Variants in KCNN2 observed in about 807,000 individuals in gnomAD.
KCNN2 encodes the protein potassium calcium-activated channel subfamily N member 2, also known as small conductance calcium-activated potassium channel protein 2.
A neutral mutation model predicts 55.5 loss-of-function variants in KCNN2; 24 were observed. The ratio of observed to expected loss-of-function variants is 0.43; its 90% CI spans 0.31 to 0.61. KCNN2 has a LOEUF of 0.61. Among genes scored for constraint, KCNN2 ranks in the 20% least tolerant of loss-of-function variants. The pLI is 0.08. For synonymous variants in KCNN2, 431 were observed against 336.1 expected, an observed-to-expected ratio of 1.28 and a Z score of -3.09; for missense variants, 754 against 853.6, an observed-to-expected ratio of 0.88 and a Z score of 1.45.
chr5:114,494,731 AAGGCTC>A (rs1249573073), intron 7 of KCNN2, among the ~76,000 whole-genome samples: 2 of 152,076 alleles, frequency 1.3e-5, no homozygotes, highest in East Asian at 3.9e-4. Flanking sequence ...ACATACCATA[AAGGCTC>A]AGTATTTTCT....
chr5:114,062,499 A>G (rs573822157), intron 1 of KCNN2, among the ~76,000 whole-genome samples: 320 of 152,334 alleles, frequency 2.1e-3, no homozygotes, highest in Non-Finnish European at 3.8e-3. Flanking sequence ...GAGAAATAAG[A>G]GCCAAAGTTT....
At chr5:114,125,136 GT>G (rs1751904565) in intron 1 of KCNN2, among the ~76,000 whole-genome samples, 1 of 152,140 alleles carries the variant, frequency 6.6e-6, no homozygotes, top group Non-Finnish European at 1.5e-5. Flanking sequence ...GAGAAATCGT[GT>G]TATAATAGAA....
At chr5:114,255,952 C>CTATATAGTG (rs1754974712) in intron 2 of KCNN2, among the ~76,000 whole-genome samples, 2 of 152,044 alleles carry the variant, frequency 1.3e-5, no homozygotes, top group Non-Finnish European at 2.9e-5. Flanking sequence ...GAACTATCCC[C>CTATATAGTG]TATATAGTGT....
At chr5:114,131,801 G>C (rs1281036562) in intron 1 of KCNN2, among the ~76,000 whole-genome samples, 1 of 152,108 alleles carries the variant, frequency 6.6e-6, no homozygotes, top group Non-Finnish European at 1.5e-5. Flanking sequence ...GTTGTTTCTT[G>C]ATTTTTTAAT....
chr5:114,250,534 C>T (rs1754837725), intron 2 of KCNN2, among the ~76,000 whole-genome samples: 2 of 152,096 alleles, frequency 1.3e-5, no homozygotes, highest in Non-Finnish European at 2.9e-5. Flanking sequence ...GAGACATTTC[C>T]AGTAGTTGGA....
At chr5:114,455,461 T>G (rs921060741) in intron 3 of KCNN2, among the ~76,000 whole-genome samples, 12 of 152,192 alleles carry the variant, frequency 7.9e-5, no homozygotes, top group Non-Finnish European at 2.9e-5. Context: ...TTCCCCCATC[T>G]CTCTCACTTT....
intron 1 of KCNN2, among the ~76,000 whole-genome samples, chr5:114,166,712 A>G (rs1406393179): frequency 1.3e-5 from 2 of 152,110 alleles, no homozygotes; most frequent in African/African-American, 2.4e-5. Context: ...GATGTTTGCT[A>G]TGGGCTGAAT....
chr5:114,308,309 C>G (rs1195911136), intron 2 of KCNN2, among the ~76,000 whole-genome samples: 1 of 152,058 alleles, frequency 6.6e-6, no homozygotes, highest in African/African-American at 2.4e-5. Flanking sequence ...CCTTGGTCTC[C>G]CTTAAAGTCA....
At chr5:114,335,675 C>T (rs1756907984) in intron 2 of KCNN2, among the ~76,000 whole-genome samples, 1 of 152,092 alleles carries the variant, frequency 6.6e-6, no homozygotes, top group East Asian at 1.9e-4. Flanking sequence ...GTGGAGTTTT[C>T]ATCTGTTAGA....
In KCNN2 at chr5:114,272,309, C is replaced by CACACATATATGTATGTACATATAT. The variant is rs1561548925; in HGVS notation, c.-185+50749_-185+50750insTATATGTATGTACATATATACACA. ...CACATATATGTATGTACATATCACA[C>CACACATATATGTATGTACATATAT]ACACACATATATGTATGTACATATA... On this transcript the variant is annotated intron_variant, in intron 2 of 10. Coordinates refer to the KCNN2 transcript ENST00000512097. 4.0e-5 allele frequency among the ~76,000 whole-genome samples: 2 copies of CACACATATATGTATGTACATATAT among 49,530 alleles called. 1 individual carries two copies. Among genetic ancestry groups the CACACATATATGTATGTACATATAT allele is most frequent in the African/African-American group, 9.6e-5 (2 of 20,730 alleles). 32.5% of individuals were successfully genotyped at this position (49,530 alleles called of 152,430 possible). A position where few individuals can be genotyped will look rare whatever the true frequency, so the allele number is the denominator to read the frequency against.
chr5:114,057,084 CTT>C (rs1750225725), intron 1 of KCNN2: 1 of 152,182 alleles, frequency 6.6e-6, no homozygotes, highest in Non-Finnish European at 1.5e-5. Flanking sequence ...CCTACCTCCT[CTT>C]CTTCTTTCTC....
chr5:114,266,714 C>T (rs1344486699), intron 2 of KCNN2, among the ~76,000 whole-genome samples: 1 of 152,158 alleles, frequency 6.6e-6, no homozygotes. Context: ...CCAAAGCACA[C>T]TTTATAGAAG....
chr5:114,191,490 T>C (rs1353242343), intron 1 of KCNN2, among the ~76,000 whole-genome samples: 1 of 152,192 alleles, frequency 6.6e-6, no homozygotes, highest in Admixed American at 6.6e-5. Context: ...GAAGCTTGTA[T>C]GTAGCATAAG....
intron 2 of KCNN2, among the ~76,000 whole-genome samples, chr5:114,234,308 C>T (rs1014891277): frequency 1.3e-5 from 2 of 152,014 alleles, no homozygotes; most frequent in Non-Finnish European, 2.9e-5. Context: ...TCAGAATTTC[C>T]AATAAACAGA....
intron 1 of KCNN2, among the ~76,000 whole-genome samples, chr5:114,127,327 G>T (rs188134066): frequency 6.6e-6 from 1 of 152,136 alleles, no homozygotes; most frequent in Non-Finnish European, 1.5e-5. Context: ...ACATGCAGGC[G>T]TTTCCGTACA....
chr5:114,486,696 A>G, intron 5 of KCNN2: 1 of 1,273,918 alleles, frequency 7.8e-7, no homozygotes, highest in South Asian at 1.3e-5. Flanking sequence ...GTCTTTCTGC[A>G]GGGAAAGGAA....
intron 1 of KCNN2, among the ~76,000 whole-genome samples, chr5:114,210,756 C>T (rs987561223): frequency 1.6e-4 from 25 of 152,196 alleles, no homozygotes; most frequent in African/African-American, 5.3e-4. Context: ...GTTTATGCCT[C>T]AATTATTAGA....
At chr5:114,484,671 CAG>C (rs1762372135) in intron 5 of KCNN2, among the ~76,000 whole-genome samples, 1 of 152,096 alleles carries the variant, frequency 6.6e-6, no homozygotes, top group Non-Finnish European at 1.5e-5. Context: ...CAGTAATAGG[CAG>C]AGAGTGGGAT....
chr5:114,342,828 A>G (rs1012881681), intron 2 of KCNN2, among the ~76,000 whole-genome samples: 2 of 152,150 alleles, frequency 1.3e-5, no homozygotes, highest in Non-Finnish European at 2.9e-5. Context: ...AGTATAAATG[A>G]CCACTTGCCC....
Sources: allele counts gnomAD v4.1 joint callset (sites outside exome capture counted in the v4.1 genomes callset), GRCh38; gene constraint gnomAD v4.1.1; transcripts MANE v1.5; gene names NCBI Gene and HGNC (gene_info 2026-07-23, HGNC 2026-07-21).